Variants in SCFD2 observed in about 807,000 individuals in gnomAD.
SCFD2 encodes the protein sec1 family domain-containing protein 2.
Under a neutral mutation model 58.9 loss-of-function variants are expected in SCFD2, and 54 were observed. The observed-to-expected ratio is 0.92, with a 90% CI of 0.74 to 1.15. The LOEUF (loss-of-function observed/expected upper bound fraction) is 1.15, where lower values mean the gene tolerates loss of function less well. Ranked by LOEUF, SCFD2 falls within the 50% of genes most tolerant of loss-of-function variation. The pLI is 0.00. For missense variants in SCFD2, 805 were observed against 836.6 expected, an observed-to-expected ratio of 0.96 and a Z score of 0.47; for synonymous variants, 321 against 335.9, an observed-to-expected ratio of 0.96 and a Z score of 0.49.
chr4:53,229,431 C>T (rs1254005648), intron 4 of SCFD2, among the ~76,000 whole-genome samples: 4 of 152,244 alleles, frequency 2.6e-5, no homozygotes, highest in African/African-American at 9.6e-5. Context: ...AGATATAGAC[C>T]AATGGAACAG....
chr4:53,356,800 G>A (rs1251310540), intron 1 of SCFD2, among the ~76,000 whole-genome samples: 10 of 146,800 alleles, frequency 6.8e-5, no homozygotes, highest in African/African-American at 2.3e-4. Flanking sequence ...GCAGTGGCGC[G>A]ATCTCGGCTC....
In SCFD2 at chr4:53,336,711, T is replaced by C. The variant is rs4864753; in HGVS notation, c.1007+15887A>G. 2.0e-5 allele frequency among the ~76,000 whole-genome samples: 3 copies of C among 151,954 alleles called. No homozygotes were observed. The South Asian group carries it at 6.2e-4, about 32-fold the overall frequency. ...TCTTTCTTTTTTAGAGACGGAGTCT[T>C]GGTATGTTGCCCAGGCTGGTCTCGA... is the stretch of plus-strand genomic sequence containing the variant. On this transcript the variant is annotated intron_variant, in intron 2 of 8. Transcript: ENST00000401642.
chr4:53,057,139 C>G (rs74715466), intron 5 of SCFD2, among the ~76,000 whole-genome samples: 1 of 151,912 alleles, frequency 6.6e-6, no homozygotes, highest in Admixed American at 6.6e-5. Flanking sequence ...GAGCTGAGAT[C>G]GCACCACTGC....
At chr4:52,923,274 C>T (rs1355804786) in intron 5 of SCFD2, among the ~76,000 whole-genome samples, 1 of 151,958 alleles carries the variant, frequency 6.6e-6, no homozygotes, top group African/African-American at 2.4e-5. Flanking sequence ...GTCAGGAGTT[C>T]GAGACCAGCC....
chr4:52,894,090 T>A (rs1718944145), intron 7 of SCFD2, among the ~76,000 whole-genome samples: 1 of 152,226 alleles, frequency 6.6e-6, no homozygotes, highest in African/African-American at 2.4e-5. Flanking sequence ...GGTCCTCTTT[T>A]TGTTGCCACT....
intron 5 of SCFD2, among the ~76,000 whole-genome samples, chr4:52,942,692 T>C (rs1314452078): frequency 6.6e-6 from 1 of 152,100 alleles, no homozygotes; most frequent in African/African-American, 2.4e-5. Flanking sequence ...AAGTTACCTT[T>C]ACGTAGCACT....
At chr4:52,968,009 A>C (rs560276523) in intron 5 of SCFD2, among the ~76,000 whole-genome samples, 3 of 152,242 alleles carry the variant, frequency 2.0e-5, no homozygotes, top group African/African-American at 7.2e-5. Context: ...CTAACATTTT[A>C]TTTTATCATC....
chr4:52,971,529 T>C (rs954176543), intron 5 of SCFD2, among the ~76,000 whole-genome samples: 3 of 152,056 alleles, frequency 2.0e-5, no homozygotes, highest in African/African-American at 7.2e-5. Flanking sequence ...AAAGACCAAA[T>C]CTACATCTGA....
chr4:53,365,640 C>T lies in SCFD2; in HGVS notation c.302G>A (p.Cys101Tyr). The change falls in exon 1 of 9, where the codon TGT becomes TAT. Residue 101 changes from cysteine (C) to tyrosine (Y), a missense_variant. This residue lies in a region of SCFD2 where 155 missense variants were observed against 149.7 expected (regional missense o/e 1.04). Coordinates refer to ENST00000401642, the MANE Select transcript of SCFD2 (RefSeq NM_152540.4). This position sits in a 1 kb window ranked among gnomAD's most constrained non-coding sequence, Gnocchi z 4.3. ...DIICRSHFQYCVVVTTVSHAV... is the reference protein window; with the variant it reads ...DIICRSHFQYYVVVTTVSHAV... The stretch of plus-strand genomic sequence containing the variant: ...GTGGCTCACGGTTGTGACCACCACA[C>T]AATACTGGAAGTGACTGCGGCAGAT... 6.2e-7 allele frequency: 1 copy of T among 1,614,218 alleles called. No individual in the cohort carries two copies. The highest frequency in any genetic ancestry group is 8.5e-7 in the Non-Finnish European group (1 of 1,180,044).
chr4:52,979,196 C>G (rs553298291), intron 5 of SCFD2, among the ~76,000 whole-genome samples: 4 of 152,208 alleles, frequency 2.6e-5, no homozygotes, highest in Admixed American at 6.5e-5. Flanking sequence ...ACTCCCAAGA[C>G]TCCTAAGAGA....
chr4:53,357,436 A>G (rs751644973), intron 1 of SCFD2, among the ~76,000 whole-genome samples: 8 of 152,056 alleles, frequency 5.3e-5, no homozygotes, highest in Non-Finnish European at 8.8e-5. Context: ...CTCAAAAAAA[A>G]AAAGGAATTA....
chr4:53,361,225 C>T (rs1734540199), intron 1 of SCFD2, among the ~76,000 whole-genome samples: 1 of 152,174 alleles, frequency 6.6e-6, no homozygotes, highest in South Asian at 2.1e-4. Flanking sequence ...TTGACATTTA[C>T]AGAATTAAAT....
intron 5 of SCFD2, among the ~76,000 whole-genome samples, chr4:52,921,781 G>C (rs1233507861): frequency 6.6e-6 from 1 of 152,120 alleles, no homozygotes; most frequent in Non-Finnish European, 1.5e-5. Context: ...TGCATGTCAG[G>C]CAGTTAGTCT....
chr4:53,256,918 G>C lies in SCFD2; in HGVS notation c.1311+16908C>G, dbSNP rs865897508. 7.6e-4 allele frequency among the ~76,000 whole-genome samples: 101 copies of C among 132,028 alleles called. 1 individual carries two copies. In the South Asian group the frequency reaches 8.8e-3, roughly 12 times the overall value. 86.6% of individuals were successfully genotyped at this position (132,028 alleles called of 152,430 possible). ...GGAGAGAGGGAGGGGGACGGGGAGG[G>C]GGAGGGGGAGGGGGAGGGAGAGGGA... On this transcript the variant is annotated intron_variant, in intron 4 of 8. Coordinates refer to ENST00000401642, the MANE Select transcript of SCFD2 (RefSeq NM_152540.4).
chr4:53,119,231 T>G (rs1725408672), intron 5 of SCFD2, among the ~76,000 whole-genome samples: 1 of 151,682 alleles, frequency 6.6e-6, no homozygotes, highest in Non-Finnish European at 1.5e-5. Flanking sequence ...GGCAGGAGAA[T>G]CACTTGAACC....
chr4:53,341,273 G>C (rs1345281250), intron 2 of SCFD2, among the ~76,000 whole-genome samples: 1 of 152,122 alleles, frequency 6.6e-6, no homozygotes, highest in Non-Finnish European at 1.5e-5. Flanking sequence ...TGACCTGGTG[G>C]AGCTGAAAAC....
Position 53,253,867 on chromosome 4 carries a change from T to A in SCFD2, c.1311+19959A>T, listed in dbSNP as rs573592092. Among the ~76,000 whole-genome samples the A allele has an allele frequency of 4.1e-5, 6 of 147,074 alleles. No individual in the cohort carries two copies. The East Asian group carries it at 1.2e-3, about 29-fold the overall frequency. On this transcript the variant is annotated intron_variant, in intron 4 of 8. Transcript: ENST00000401642. ...AACTAACCTGAACATTGTGCACATG[T>A]ACCCTAAAACTTAAAGTATAATTAT...
At chr4:53,136,358 G>A (rs866319230) in intron 5 of SCFD2, among the ~76,000 whole-genome samples, 2 of 152,050 alleles carry the variant, frequency 1.3e-5, no homozygotes, top group Admixed American at 6.6e-5. Flanking sequence ...TGAGCAGAGC[G>A]AATAGACTAG....
At chr4:53,211,225 G>A (rs1258907074) in intron 4 of SCFD2, among the ~76,000 whole-genome samples, 1 of 140,936 alleles carries the variant, frequency 7.1e-6, no homozygotes, top group Admixed American at 7.5e-5. Flanking sequence ...CCTGATGACA[G>A]AGCAAGACTC....
Sources: gnomAD v4.1 joint callset for allele counts (sites outside exome capture counted in the v4.1 genomes callset) on GRCh38, gnomAD v4.1.1 for gene constraint, gnomAD v4.1.1 regional missense constraint, Gnocchi (gnomAD v3.1) non-coding constraint, MANE v1.5 for transcripts, NCBI Gene and HGNC (gene_info 2026-07-23, HGNC 2026-07-21) for gene names.